The following ALDH1A2 variants were observed in gnomAD, a reference collection of about 807,000 sequenced individuals.
ALDH1A2 encodes aldehyde dehydrogenase 1 family member A2.
ALDH1A2 carries 27 observed loss-of-function variants against 60.3 expected under a neutral mutation model. That is an observed-to-expected ratio of 0.45 (90% CI 0.33 to 0.62). ALDH1A2 has a LOEUF of 0.62. ALDH1A2 is among the 20% of genes least tolerant of loss of function. The pLI, the probability that ALDH1A2 is intolerant of heterozygous loss-of-function variation, is 0.02. For missense variants in ALDH1A2, 581 were observed against 643.8 expected (o/e 0.90, Z 1.06); for synonymous variants, 289 against 232.4 (o/e 1.24, Z -2.21).
intron 1 of ALDH1A2, among the ~76,000 whole-genome samples, chr15:58,029,974 G>C (rs990161422): frequency 6.6e-6 from 1 of 152,138 alleles, no homozygotes; most frequent in Non-Finnish European, 1.5e-5. Context: ...AGACGATCTG[G>C]TACCATTCCT....
Position 58,021,234 on chromosome 15 carries a change from G to T in ALDH1A2, c.118-6953C>A, listed in dbSNP as rs550719465. 3.9e-5 allele frequency among the ~76,000 whole-genome samples: 6 copies of T among 152,052 alleles called. 1 individual carries two copies. Among genetic ancestry groups the T allele is most frequent in the Non-Finnish European group, 7.4e-5 (5 of 68,010 alleles). On this transcript the variant is annotated intron_variant, in intron 1 of 12. Coordinates refer to ENST00000249750, the MANE Select transcript of ALDH1A2 (RefSeq NM_003888.4). Reference sequence around the variant, plus strand: ...CTATTAACTTTTTGAGTTGGGGAGGGTTCACTAGAAGCAGTTTATATGACT... The same window carrying T: ...CTATTAACTTTTTGAGTTGGGGAGGTTTCACTAGAAGCAGTTTATATGACT...
intron 7 of ALDH1A2, among the ~76,000 whole-genome samples, chr15:57,989,045 G>A (rs1894806839): frequency 6.6e-6 from 1 of 152,164 alleles, no homozygotes. Context: ...GTGCGTGCCT[G>A]TAGTCCCAGC....
chr15:58,062,536 CA>C (rs1727247678), intron 1 of ALDH1A2, among the ~76,000 whole-genome samples: 1 of 152,118 alleles, frequency 6.6e-6, no homozygotes, highest in African/African-American at 2.4e-5. Flanking sequence ...ATAAAATAGA[CA>C]ACTCAGAAAA....
At chr15:58,062,590 GTCT>G (rs1356103684) in intron 1 of ALDH1A2, among the ~76,000 whole-genome samples, 2 of 152,172 alleles carry the variant, frequency 1.3e-5, no homozygotes, top group East Asian at 3.9e-4. Context: ...TCAGAATGCA[GTCT>G]TCTTAGGATA....
chr15:57,992,665 G>T, intron 7 of ALDH1A2, 40 bp downstream of exon 7: 1 of 1,577,748 alleles, frequency 6.3e-7, no homozygotes, highest in Non-Finnish European at 8.7e-7. Flanking sequence ...CAACTCATTT[G>T]CAAGACTGTT....
At chr15:58,012,100 G>A (rs1465402048) in intron 3 of ALDH1A2, 1 of 152,130 alleles carries the variant, frequency 6.6e-6, no homozygotes, top group African/African-American at 2.4e-5. Context: ...CTCATAGCTT[G>A]AGAGTGTTTA....
At chr15:58,012,375 A>T (rs1895658288) in intron 3 of ALDH1A2, among the ~76,000 whole-genome samples, 1 of 147,280 alleles carries the variant, frequency 6.8e-6, no homozygotes. Flanking sequence ...AAGGTAAAAT[A>T]CAAGTTTAAT....
intron 7 of ALDH1A2, among the ~76,000 whole-genome samples, chr15:57,991,189 T>C (rs1894884514): frequency 6.6e-6 from 1 of 152,224 alleles, no homozygotes; most frequent in African/African-American, 2.4e-5. Context: ...CCCAGTCTTT[T>C]ACAGTTGTCT....
rs1893460137 is a variant in ALDH1A2, at chr15:57,954,730, C to T, written c.*467G>A. On this transcript the variant is annotated 3_prime_UTR_variant, in exon 13 of 13. Coordinates refer to ENST00000249750, the MANE Select transcript of ALDH1A2 (RefSeq NM_003888.4). ...CTTTACAACCTTGAAAAATTGTTCC[C>T]GGCCCAAACATCTGCCCCAGAATGA... 1.1e-5 allele frequency: 2 copies of T among 188,370 alleles called. No individual in the cohort carries two copies. The highest frequency in any genetic ancestry group is 2.3e-5 in the African/African-American group (1 of 43,106). 11.7% of individuals were successfully genotyped at this position (188,370 alleles called of 1,614,324 possible).
intron 7 of ALDH1A2, among the ~76,000 whole-genome samples, chr15:57,967,341 C>G (rs1468431944): frequency 1.3e-5 from 2 of 152,140 alleles, no homozygotes; most frequent in African/African-American, 4.8e-5. Context: ...ACACTTAGAA[C>G]CCAGCCTGGC....
chr15:57,992,823 GA>G lies in ALDH1A2; in HGVS notation c.685-6del, dbSNP rs1894939620. ...GACCCCGGGAGGAAAGCCAGCCTAA[GA>G]AAACAGAACAGGAGGAAACGTGGCT... On this transcript the variant is annotated splice_polypyrimidine_tract_variant and splice_region_variant and intron_variant, in intron 6 of 12. Coordinates refer to ENST00000249750, the MANE Select transcript of ALDH1A2 (RefSeq NM_003888.4). 6.2e-7 allele frequency: 1 copy of G among 1,613,968 alleles called. No homozygotes were observed. The highest frequency in any genetic ancestry group is 1.7e-5 in the Admixed American group (1 of 59,988).
intron 1 of ALDH1A2, among the ~76,000 whole-genome samples, chr15:58,031,083 A>G (rs1896227762): frequency 6.6e-6 from 1 of 152,186 alleles, no homozygotes; most frequent in Admixed American, 6.5e-5. Flanking sequence ...ATCCTAAGCA[A>G]AAAGAACAAA....
At chr15:58,057,963 A>G (rs931902345) in intron 1 of ALDH1A2, 53 of 905,970 alleles carry the variant, frequency 5.9e-5, no homozygotes, top group Non-Finnish European at 7.4e-5. Flanking sequence ...AAAATTAAAT[A>G]ATACAATTAT....
chr15:57,965,715 G>C lies in ALDH1A2; in HGVS notation c.901+10C>G. Reference sequence around the variant, plus strand: ...TGGTGGTTCATGTATGGGACCTGTAGTTGACTTACAGTCAGCATCAGCAAA... The same window carrying C: ...TGGTGGTTCATGTATGGGACCTGTACTTGACTTACAGTCAGCATCAGCAAA... On this transcript the variant is annotated intron_variant, in intron 8 of 12. Coordinates refer to ENST00000249750, the MANE Select transcript of ALDH1A2 (RefSeq NM_003888.4). 16 of 1,602,548 alleles carry C rather than the reference G, an allele frequency of 1.0e-5. No homozygotes were observed. Among genetic ancestry groups the C allele is most frequent in the Non-Finnish European group, 1.3e-5 (15 of 1,169,404 alleles).
At chr15:58,032,115 A>T (rs1206456933) in intron 1 of ALDH1A2, among the ~76,000 whole-genome samples, 2 of 152,158 alleles carry the variant, frequency 1.3e-5, no homozygotes, top group African/African-American at 2.4e-5. Flanking sequence ...CAAATGTCCA[A>T]CAATGATAGA....
chr15:57,990,267 C>T (rs1894848735), intron 7 of ALDH1A2: 1 of 152,152 alleles, frequency 6.6e-6, no homozygotes, highest in Admixed American at 6.5e-5. Context: ...CTTCTAGAAC[C>T]ATATCCAACT....
intron 12 of ALDH1A2, among the ~76,000 whole-genome samples, chr15:57,959,188 T>C (rs1173466721): frequency 1.3e-5 from 2 of 152,222 alleles, no homozygotes; most frequent in Non-Finnish European, 1.5e-5. Context: ...GTTAATGATC[T>C]GTAACAAAAC....
At chr15:58,059,060 C>CT (rs1487833886) in intron 1 of ALDH1A2, among the ~76,000 whole-genome samples, 1 of 152,032 alleles carries the variant, frequency 6.6e-6, no homozygotes, top group Non-Finnish European at 1.5e-5. Context: ...TAAATAAGCT[C>CT]TAAGATTTTG....
chr15:57,993,185 C>T, intron 5 of ALDH1A2, 112 bp from the exon 6 acceptor site: 1 of 1,299,350 alleles, frequency 7.7e-7, no homozygotes. Flanking sequence ...AAATCTTGTC[C>T]ACTACAAAGT....
Sources: gnomAD v4.1 joint callset for allele counts (sites outside exome capture counted in the v4.1 genomes callset) on GRCh38, gnomAD v4.1.1 for gene constraint, MANE v1.5 for transcripts, NCBI Gene and HGNC (gene_info 2026-07-23, HGNC 2026-07-21) for gene names.